NTNG1: variants seen among roughly 807,000 people sequenced by gnomAD.
NTNG1 encodes the protein netrin G1.
In NTNG1, 16 loss-of-function variants were observed where a neutral mutation model predicts 54.0. The observed-to-expected ratio is 0.30, with a 90% CI of 0.20 to 0.45. The LOEUF (loss-of-function observed/expected upper bound fraction) is 0.45, where lower values mean the gene tolerates loss of function less well. Among genes scored for constraint, NTNG1 ranks in the 20% least tolerant of loss-of-function variants. NTNG1 has a pLI of 1.00. For missense variants in NTNG1, 530 were observed against 678.7 expected (o/e 0.78, Z 2.43); for synonymous variants, 255 against 263.1 (o/e 0.97, Z 0.30).
At chr1:107,469,268 C>T (rs923902424) in intron 7 of NTNG1, among the ~76,000 whole-genome samples, 10 of 152,066 alleles carry the variant, frequency 6.6e-5, no homozygotes, top group Non-Finnish European at 1.5e-4. Context: ...CATTATCAAA[C>T]CATGTGTATG....
At chr1:107,270,613 G>T (rs984620522) in intron 2 of NTNG1, among the ~76,000 whole-genome samples, 4 of 151,900 alleles carry the variant, frequency 2.6e-5, no homozygotes, top group Non-Finnish European at 5.9e-5. Flanking sequence ...TTCATAATTT[G>T]GAGCTGGATA....
chr1:107,290,562 T>C (rs2101761015), intron 2 of NTNG1, among the ~76,000 whole-genome samples: 1 of 152,270 alleles, frequency 6.6e-6, no homozygotes, highest in Non-Finnish European at 1.5e-5. Flanking sequence ...AAGTGTATTA[T>C]ATTTGTTAAG....
rs559723120 is a variant in NTNG1, at chr1:107,142,667, A to G, written c.-526+1527A>G. ...AAAATACTAAAAGTTGTTTTATCTT[A>G]CAGAAATGAAAAAAAAAAAAACCCA... On this transcript the variant is annotated intron_variant, in intron 1 of 7. Coordinates refer to ENST00000370068, the MANE Select transcript of NTNG1 (RefSeq NM_001113226.3). Among the ~76,000 whole-genome samples, 186 of 146,150 alleles carry G rather than the reference A, an allele frequency of 1.3e-3. 1 individual carries two copies. The highest frequency in any genetic ancestry group is 4.5e-3 in the African/African-American group (171 of 38,244).
chr1:107,279,703 A>G (rs764918590), intron 2 of NTNG1, among the ~76,000 whole-genome samples: 3 of 152,238 alleles, frequency 2.0e-5, no homozygotes, highest in Admixed American at 2.0e-4. Flanking sequence ...TTCATTCTGC[A>G]TTGATGACTT....
At chr1:107,231,760 T>G (rs1661084784) in intron 2 of NTNG1, among the ~76,000 whole-genome samples, 1 of 152,148 alleles carries the variant, frequency 6.6e-6, no homozygotes, top group African/African-American at 2.4e-5. Context: ...CGGTGGCCTC[T>G]GTCTACTTTA....
chr1:107,365,604 T>G (rs1477929346), intron 3 of NTNG1, among the ~76,000 whole-genome samples: 2 of 152,214 alleles, frequency 1.3e-5, no homozygotes, highest in Non-Finnish European at 2.9e-5. Context: ...AAATTCAAAT[T>G]CAGCCATAAT....
At chr1:107,263,268 G>GCTTC (rs1368781917) in intron 2 of NTNG1, among the ~76,000 whole-genome samples, 2 of 138,960 alleles carry the variant, frequency 1.4e-5, no homozygotes, top group African/African-American at 5.4e-5. Context: ...TTCTAGGTTA[G>GCTTC]CTTGCTTCCT....
chr1:107,407,749 T>C, intron 5 of NTNG1, 41 bp downstream of exon 5: 1 of 1,552,974 alleles, frequency 6.4e-7, no homozygotes, highest in Non-Finnish European at 8.9e-7. Flanking sequence ...AAACCAAGTC[T>C]AGGCTAGCTT....
chr1:107,162,119 T>G (rs1294999246), intron 2 of NTNG1, among the ~76,000 whole-genome samples: 1 of 152,102 alleles, frequency 6.6e-6, no homozygotes, highest in Non-Finnish European at 1.5e-5. Flanking sequence ...TTTTTTATTT[T>G]TAGTTTTTGC....
At chr1:107,230,391 G>T (rs1660994865) in intron 2 of NTNG1, among the ~76,000 whole-genome samples, 1 of 152,146 alleles carries the variant, frequency 6.6e-6, no homozygotes, top group African/African-American at 2.4e-5. Flanking sequence ...AAAGTCTGCA[G>T]TTTCTGCAGG....
chr1:107,436,495 G>T (rs890043706), intron 6 of NTNG1, among the ~76,000 whole-genome samples, 170 bp from the exon 7 acceptor site: 2 of 152,146 alleles, frequency 1.3e-5, no homozygotes, highest in South Asian at 4.1e-4. Flanking sequence ...ATCATGGAAG[G>T]CTAAGCGAAT....
At position 107,305,175 on chromosome 1, in the gene NTNG1, T is replaced by A. The variant is rs560015752; in HGVS notation, c.247-19107T>A. On this transcript the variant is annotated intron_variant, in intron 2 of 7. Transcript: ENST00000370068. ...GGTTGGTTCCACATCTGTGCTATTG[T>A]GAACAGTGCTGCAATAAACATCCAT... 3.3e-5 allele frequency among the ~76,000 whole-genome samples: 5 copies of A among 152,350 alleles called. No individual in the cohort carries two copies. The South Asian group carries it at 6.2e-4, about 19-fold the overall frequency.
intron 3 of NTNG1, among the ~76,000 whole-genome samples, chr1:107,384,818 G>T (rs1264469537): frequency 6.6e-6 from 1 of 152,052 alleles, no homozygotes; most frequent in Non-Finnish European, 1.5e-5. Context: ...CCTCTTTGTT[G>T]GTCTGTTGAC....
intron 7 of NTNG1, among the ~76,000 whole-genome samples, chr1:107,444,865 G>A (rs888034041): frequency 6.6e-6 from 1 of 152,094 alleles, no homozygotes; most frequent in Non-Finnish European, 1.5e-5. Flanking sequence ...AATACAATAT[G>A]TGAAGCTCTT....
intron 5 of NTNG1, among the ~76,000 whole-genome samples, chr1:107,418,314 G>C (rs1460186672): frequency 6.6e-6 from 1 of 152,010 alleles, no homozygotes; most frequent in Non-Finnish European, 1.5e-5. Flanking sequence ...ATTTTTGTGT[G>C]TGTGTAAGAA....
intron 2 of NTNG1, among the ~76,000 whole-genome samples, chr1:107,181,612 G>C (rs1259562869): frequency 1.2e-5 from 1 of 81,876 alleles, no homozygotes; most frequent in Admixed American, 1.2e-4. Context: ...AGATTACAGT[G>C]TCATACAACT....
chr1:107,187,629 C>A (rs1657565698), intron 2 of NTNG1, among the ~76,000 whole-genome samples: 1 of 152,156 alleles, frequency 6.6e-6, no homozygotes, highest in Non-Finnish European at 1.5e-5. Flanking sequence ...TGTGAGGGTT[C>A]AGAGCACAGC....
At chr1:107,319,884 T>TATATATAA (rs1449578083) in intron 2 of NTNG1, among the ~76,000 whole-genome samples, 3 of 150,842 alleles carry the variant, frequency 2.0e-5, no homozygotes, top group African/African-American at 7.3e-5. Flanking sequence ...TATATATATA[T>TATATATAA]AAAACTCTGA....
chr1:107,451,243 G>A (rs74108748), intron 7 of NTNG1, among the ~76,000 whole-genome samples: 1 of 151,852 alleles, frequency 6.6e-6, no homozygotes, highest in African/African-American at 2.4e-5. Context: ...CTAACATTGA[G>A]ACTCTAACTT....
Sources: gnomAD v4.1 joint callset for allele counts (sites outside exome capture counted in the v4.1 genomes callset) on GRCh38, gnomAD v4.1.1 for gene constraint, MANE v1.5 for transcripts, NCBI Gene and HGNC (gene_info 2026-07-23, HGNC 2026-07-21) for gene names.